Variants in EXT1 observed in about 807,000 individuals in gnomAD.
EXT1 encodes the protein exostosin glycosyltransferase 1.
Under a neutral mutation model 82.5 loss-of-function variants are expected in EXT1, and 20 were observed. The ratio of observed to expected loss-of-function variants is 0.24; its 90% CI spans 0.17 to 0.35. The LOEUF is 0.35. Among genes scored for constraint, EXT1 ranks in the 10% least tolerant of loss-of-function variants. The pLI, the probability that EXT1 is intolerant of heterozygous loss-of-function variation, is 1.00. For missense variants in EXT1, 757 were observed against 936.5 expected (o/e 0.81, Z 2.50); for synonymous variants, 348 against 350.8 (o/e 0.99, Z 0.09).
intron 1 of EXT1, among the ~76,000 whole-genome samples, chr8:118,029,020 T>C (rs1002214615): frequency 2.0e-5 from 3 of 152,200 alleles, no homozygotes; most frequent in Non-Finnish European, 2.9e-5. Context: ...AATCAAAATA[T>C]ATGATTGTCT....
chr8:117,964,276 T>C (rs1814761151), intron 1 of EXT1, among the ~76,000 whole-genome samples: 1 of 152,202 alleles, frequency 6.6e-6, no homozygotes, highest in Non-Finnish European at 1.5e-5. Flanking sequence ...CTGCTAAGTT[T>C]TTATAAGGAT....
At chr8:117,822,890 T>C (rs1253665783) in intron 4 of EXT1, among the ~76,000 whole-genome samples, 1 of 152,184 alleles carries the variant, frequency 6.6e-6, no homozygotes, top group African/African-American at 2.4e-5. Context: ...CATTCCAAAA[T>C]AGACTGTGTG....
intron 1 of EXT1, among the ~76,000 whole-genome samples, chr8:118,015,626 G>A (rs182797228): frequency 1.2e-4 from 18 of 152,262 alleles, no homozygotes; most frequent in African/African-American, 2.2e-4. Context: ...GAAGGAACAC[G>A]GCAGAAGAGT....
At chr8:117,904,023 T>C (rs573965799) in intron 1 of EXT1, among the ~76,000 whole-genome samples, 4 of 152,186 alleles carry the variant, frequency 2.6e-5, no homozygotes, top group African/African-American at 9.7e-5. Context: ...AATTTGTTCT[T>C]TAATTAACTA....
At chr8:118,077,862 T>C (rs1180693210) in intron 1 of EXT1, among the ~76,000 whole-genome samples, 1 of 74,958 alleles carries the variant, frequency 1.3e-5, no homozygotes, top group Non-Finnish European at 2.6e-5. Context: ...ACTTACAGCC[T>C]ATATTATAAT....
chr8:118,076,441 T>C (rs748172396), intron 1 of EXT1, among the ~76,000 whole-genome samples: 11 of 152,248 alleles, frequency 7.2e-5, no homozygotes, highest in Non-Finnish European at 1.6e-4. Flanking sequence ...TCACTGTTAC[T>C]CCCAAAGTCT....
At chr8:117,912,233 T>A (rs1280466123) in intron 1 of EXT1, among the ~76,000 whole-genome samples, 1 of 152,190 alleles carries the variant, frequency 6.6e-6, no homozygotes, top group African/African-American at 2.4e-5. Context: ...TACTAAAGAA[T>A]ACTGCTTAGA....
intron 1 of EXT1, among the ~76,000 whole-genome samples, chr8:117,929,331 T>C (rs1814008368): frequency 6.6e-6 from 1 of 152,272 alleles, no homozygotes; most frequent in Admixed American, 6.5e-5. Context: ...TCACAGGAAG[T>C]GTCAGCTCTG....
intron 7 of EXT1, among the ~76,000 whole-genome samples, chr8:117,816,573 T>C (rs1586995068): frequency 6.6e-6 from 1 of 152,112 alleles, no homozygotes; most frequent in South Asian, 2.1e-4. Flanking sequence ...ACTGAACAAA[T>C]GCCAGGGGCC....
At chr8:118,094,224 G>A (rs768752094) in intron 1 of EXT1, among the ~76,000 whole-genome samples, 3 of 152,048 alleles carry the variant, frequency 2.0e-5, no homozygotes, top group African/African-American at 4.8e-5. Flanking sequence ...ATAGGAGAAC[G>A]AATTTTTTTA....
chr8:117,824,853 CTTTTT>C (rs775491045), intron 4 of EXT1, among the ~76,000 whole-genome samples: 1 of 151,410 alleles, frequency 6.6e-6, no homozygotes, highest in Non-Finnish European at 1.5e-5. Flanking sequence ...TCTTCTTTTT[CTTTTT>C]TTGTTTTTGT....
intron 1 of EXT1, among the ~76,000 whole-genome samples, chr8:117,962,037 A>G (rs1215010139): frequency 6.6e-6 from 1 of 152,156 alleles, no homozygotes; most frequent in Non-Finnish European, 1.5e-5. Context: ...AATACCAGCA[A>G]GGCAATCAAT....
At chr8:117,903,096 C>T (rs1813480246) in intron 1 of EXT1, among the ~76,000 whole-genome samples, 1 of 152,222 alleles carries the variant, frequency 6.6e-6, no homozygotes, top group Non-Finnish European at 1.5e-5. Flanking sequence ...ATGGACACAA[C>T]ATTGTTTTTG....
chr8:117,886,213 A>C (rs1194379526), intron 1 of EXT1, among the ~76,000 whole-genome samples: 4 of 152,220 alleles, frequency 2.6e-5, no homozygotes, highest in Non-Finnish European at 5.9e-5. Flanking sequence ...TTCAGAATAA[A>C]GTTTTTGTTT....
At position 117,799,671 on chromosome 8, in the gene EXT1, C is replaced by G. The variant is rs376941234; in HGVS notation, c.*41G>C. On this transcript the variant is annotated 3_prime_UTR_variant, in exon 11 of 11. Coordinates refer to ENST00000378204, the MANE Select transcript of EXT1 (RefSeq NM_000127.3). Reference sequence around the variant, plus strand: ...CTGGGAAGAGAGAGCAGCTTGACCCCCATCCCTTCTTGCTTCCCCTCCCCC... The same window carrying G: ...CTGGGAAGAGAGAGCAGCTTGACCCGCATCCCTTCTTGCTTCCCCTCCCCC... The G allele has an allele frequency of 1.2e-6, 2 of 1,608,394 alleles. No homozygotes were observed. Among genetic ancestry groups the G allele is most frequent in the East Asian group, 2.2e-5 (1 of 44,816 alleles).
At chr8:117,925,513 C>T (rs892001453) in intron 1 of EXT1, among the ~76,000 whole-genome samples, 2 of 151,952 alleles carry the variant, frequency 1.3e-5, no homozygotes, top group Non-Finnish European at 2.9e-5. Context: ...AAGCCTTTTG[C>T]AGTTATGGAA....
intron 1 of EXT1, among the ~76,000 whole-genome samples, chr8:117,994,017 T>A (rs111676797): frequency 6.6e-6 from 1 of 152,188 alleles, no homozygotes; most frequent in African/African-American, 2.4e-5. Context: ...GCTAGCAAAG[T>A]TCTTACTCTT....
At chr8:117,996,859 CT>C (rs1298548894) in intron 1 of EXT1, among the ~76,000 whole-genome samples, 1 of 152,298 alleles carries the variant, frequency 6.6e-6, no homozygotes, top group Middle Eastern at 3.4e-3. Flanking sequence ...TTAGCCCATT[CT>C]GGGCCAAGCA....
At chr8:117,926,628 T>C (rs956712402) in intron 1 of EXT1, among the ~76,000 whole-genome samples, 9 of 152,144 alleles carry the variant, frequency 5.9e-5, no homozygotes, top group Non-Finnish European at 1.2e-4. Flanking sequence ...AATTTGCTTC[T>C]AGGAAACTGG....
Sources: allele counts gnomAD v4.1 joint callset (sites outside exome capture counted in the v4.1 genomes callset), GRCh38; gene constraint gnomAD v4.1.1; transcripts MANE v1.5; gene names NCBI Gene and HGNC (gene_info 2026-07-23, HGNC 2026-07-21).